The following PTPRT variants were observed in gnomAD, a reference collection of about 807,000 sequenced individuals.
PTPRT encodes protein tyrosine phosphatase receptor type T, also known as receptor-type tyrosine-protein phosphatase T.
Under a neutral mutation model 176.8 loss-of-function variants are expected in PTPRT, and 56 were observed. The observed-to-expected ratio is 0.32, with a 90% CI of 0.26 to 0.40. PTPRT has a LOEUF of 0.40. Ranked by LOEUF, PTPRT falls within the 10% of genes least tolerant of loss-of-function variation. PTPRT has a pLI of 1.00. For missense variants in PTPRT, 1,540 were observed against 1,908.2 expected, an observed-to-expected ratio of 0.81 and a Z score of 3.60; for synonymous variants, 783 against 739.0, an observed-to-expected ratio of 1.06 and a Z score of -0.96.
chr20:42,607,483 T>G (rs115441774), intron 7 of PTPRT: 24 of 152,306 alleles, frequency 1.6e-4, no homozygotes, highest in African/African-American at 5.8e-4. Flanking sequence ...CCACTGGGAC[T>G]GCACAGAAAT....
At chr20:43,019,416 T>G (rs980603054) in intron 1 of PTPRT, among the ~76,000 whole-genome samples, 20 of 151,818 alleles carry the variant, frequency 1.3e-4, no homozygotes, top group Admixed American at 5.9e-4. Context: ...GTCAGGAGAT[T>G]GACACCATCC....
intron 16 of PTPRT, among the ~76,000 whole-genome samples, chr20:42,176,677 A>C (rs1990305563): frequency 6.6e-6 from 1 of 152,222 alleles, no homozygotes; most frequent in Admixed American, 6.5e-5. Context: ...AAAAATTATA[A>C]TAAGACTAAG....
chr20:42,095,801 A>G lies in PTPRT; in HGVS notation c.3846+2620T>C, dbSNP rs555788755. ...TGTTGCTCAGTGATGCATTCCAAGC[A>G]CCTAGAATAGCTTCCAGCAAATAGC... On this transcript the variant is annotated intron_variant, in intron 27 of 30. Transcript: ENST00000373187. 3.7e-4 allele frequency among the ~76,000 whole-genome samples: 56 copies of G among 152,282 alleles called. No individual in the cohort carries two copies. The South Asian group carries it at 8.5e-3, about 23-fold the overall frequency.
chr20:42,591,230 T>TA (rs909424038), intron 7 of PTPRT, among the ~76,000 whole-genome samples: 13 of 151,072 alleles, frequency 8.6e-5, no homozygotes, highest in South Asian at 2.1e-4. Flanking sequence ...GACTACATGA[T>TA]AAAAAAAAAT....
chr20:42,392,647 T>C (rs969023283), intron 9 of PTPRT, among the ~76,000 whole-genome samples: 1 of 152,188 alleles, frequency 6.6e-6, no homozygotes, highest in Admixed American at 6.5e-5. Flanking sequence ...CTTCAGAGAT[T>C]TATGGCTTCA....
At chr20:42,081,823 T>A in intron 30 of PTPRT, 59 bp downstream of exon 30, 1 of 1,585,232 alleles carries the variant, frequency 6.3e-7, no homozygotes, top group Non-Finnish European at 8.7e-7. Context: ...TGTCATTTTC[T>A]CCAGGTCAAG....
At chr20:42,282,052 A>C (rs1232319207) in intron 13 of PTPRT, among the ~76,000 whole-genome samples, 3 of 152,172 alleles carry the variant, frequency 2.0e-5, no homozygotes, top group African/African-American at 7.2e-5. Context: ...TAAAGGCCCC[A>C]GTACTAATCA....
chr20:42,161,467 A>G lies in PTPRT; in HGVS notation c.2567T>C (p.Val856Ala). Reference protein sequence around the residue: ...QTHPYRTCDPVEMSYPRDQFQ... With the variant: ...QTHPYRTCDPAEMSYPRDQFQ... The stretch of plus-strand genomic sequence containing the variant: ...CTGGTCCCGGGGGTAGCTCATCTCC[A>G]CAGGGTCACAGGTGCGGTAGGGATG... The change falls in exon 17 of 31, where the codon GTG becomes GCG. Residue 856 changes from valine to alanine, a missense_variant. Val to Ala is a moderately conservative substitution (Grantham distance 64). Coordinates refer to ENST00000373187, the MANE Select transcript of PTPRT (RefSeq NM_007050.6). 6.2e-7 allele frequency: 1 copy of G among 1,614,064 alleles called. No individual in the cohort carries two copies. The highest frequency in any genetic ancestry group is 8.5e-7 in the Non-Finnish European group (1 of 1,180,002).
At chr20:42,758,380 T>C (rs1425067746) in intron 5 of PTPRT, among the ~76,000 whole-genome samples, 2 of 152,080 alleles carry the variant, frequency 1.3e-5, no homozygotes, top group African/African-American at 2.4e-5. Context: ...CTCAGCTCTA[T>C]GGCAGCAAAT....
intron 3 of PTPRT, among the ~76,000 whole-genome samples, chr20:42,788,466 G>A (rs1464128610): frequency 6.6e-6 from 1 of 151,746 alleles, no homozygotes; most frequent in Admixed American, 6.6e-5. Flanking sequence ...CCTGCCTCTG[G>A]CTCTTGGTCA....
chr20:42,818,631 G>C (rs1034055296), intron 2 of PTPRT, among the ~76,000 whole-genome samples: 8 of 152,090 alleles, frequency 5.3e-5, no homozygotes, highest in African/African-American at 1.7e-4. Flanking sequence ...CTTGATAAAA[G>C]GTTACAGGAA....
At chr20:42,548,041 C>T (rs987118962) in intron 7 of PTPRT, among the ~76,000 whole-genome samples, 1 of 151,956 alleles carries the variant, frequency 6.6e-6, no homozygotes, top group Admixed American at 6.6e-5. Context: ...ATGAAGACAA[C>T]TTTTTAAAAA....
At chr20:42,229,677 G>C (rs2056094395) in intron 15 of PTPRT, among the ~76,000 whole-genome samples, 1 of 152,160 alleles carries the variant, frequency 6.6e-6, no homozygotes, top group Non-Finnish European at 1.5e-5. Flanking sequence ...ATCTTTGTGA[G>C]ACTTCTTCTG....
chr20:42,588,100 G>T (rs2073503319), intron 7 of PTPRT, among the ~76,000 whole-genome samples: 2 of 152,256 alleles, frequency 1.3e-5, no homozygotes, highest in Non-Finnish European at 2.9e-5. Context: ...GAGCTGTGCT[G>T]TCCTATACTG....
At chr20:42,691,807 G>T (rs753730317) in intron 6 of PTPRT, among the ~76,000 whole-genome samples, 1 of 152,130 alleles carries the variant, frequency 6.6e-6, no homozygotes, top group Non-Finnish European at 1.5e-5. Context: ...CCAGATGGAC[G>T]CTGGGCTCCA....
intron 11 of PTPRT, among the ~76,000 whole-genome samples, chr20:42,322,218 C>A (rs1437470278): frequency 6.6e-6 from 1 of 151,710 alleles, no homozygotes; most frequent in Non-Finnish European, 1.5e-5. Flanking sequence ...CCATCCCCAT[C>A]AAGTTACCAA....
intron 13 of PTPRT, among the ~76,000 whole-genome samples, chr20:42,274,956 A>C (rs557636976): frequency 1.3e-5 from 2 of 152,332 alleles, no homozygotes; most frequent in East Asian, 3.9e-4. Flanking sequence ...GTCAGTGGTC[A>C]ATGAATCTCA....
At position 42,673,042 on chromosome 20, in the gene PTPRT, A is replaced by G. The variant is rs116153309; in HGVS notation, c.1153+4824T>C. Among the ~76,000 whole-genome samples the G allele has an allele frequency of 4.0e-3, 613 of 152,244 alleles. 7 individuals are homozygous for G. The Middle Eastern group carries it at 0.044, about 11-fold the overall frequency. ...TGTAGTAGTTATTCATTCTCAGCTG[A>G]TCTCCATAGTCACCAACCTCCTTAC... On this transcript the variant is annotated intron_variant, in intron 7 of 30. Coordinates refer to ENST00000373187, the MANE Select transcript of PTPRT (RefSeq NM_007050.6).
intron 4 of PTPRT, among the ~76,000 whole-genome samples, chr20:42,775,264 C>A (rs1359397917): frequency 6.6e-6 from 1 of 152,208 alleles, no homozygotes; most frequent in South Asian, 2.1e-4. Flanking sequence ...TATTATTGTG[C>A]CCTTTATCTT....
Sources: gnomAD v4.1 joint callset for allele counts (sites outside exome capture counted in the v4.1 genomes callset) on GRCh38, gnomAD v4.1.1 for gene constraint, MANE v1.5 for transcripts, NCBI Gene and HGNC (gene_info 2026-07-23, HGNC 2026-07-21) for gene names.